YTHDF2: variants seen among roughly 807,000 people sequenced by gnomAD.
YTHDF2 encodes YTH N6-methyladenosine RNA binding protein F2, also known as YTH domain-containing family protein 2.
A neutral mutation model predicts 50.4 loss-of-function variants in YTHDF2; 2 were observed. The observed-to-expected ratio is 0.04, with a 90% CI of 0.02 to 0.12. The LOEUF (loss-of-function observed/expected upper bound fraction) is 0.12. Ranked by LOEUF, YTHDF2 falls within the 10% of genes least tolerant of loss-of-function variation. The pLI, the probability that YTHDF2 is intolerant of heterozygous loss-of-function variation, is 1.00. For synonymous variants in YTHDF2, 217 were observed against 255.6 expected (o/e 0.85, Z 1.44); for missense variants, 483 against 722.6 (o/e 0.67, Z 3.80).
chr1:28,761,466 G>A (rs1440934852), intron 4 of YTHDF2, among the ~76,000 whole-genome samples: 1 of 152,160 alleles, frequency 6.6e-6, no homozygotes, highest in Non-Finnish European at 1.5e-5. Flanking sequence ...GGCTGGTGCG[G>A]TGGCCCATGC....
intron 4 of YTHDF2, among the ~76,000 whole-genome samples, chr1:28,745,494 G>T (rs2087844095): frequency 6.6e-6 from 1 of 152,186 alleles, no homozygotes; most frequent in Admixed American, 6.6e-5. Context: ...AGCACTTTGG[G>T]AGGCTGAGGT....
Position 28,742,778 on chromosome 1 carries a change from G to C in YTHDF2, c.508G>C (p.Ala170Pro), listed in dbSNP as rs1241719084. Residue 170 changes from alanine (A) to proline (P), a missense_variant, in exon 4 of 5, where the codon GCT (alanine) becomes CCT (proline). Coordinates refer to ENST00000373812, the MANE Select transcript of YTHDF2 (RefSeq NM_016258.3). ...LGGAMIDGQS[A>P]FANETLNKAP... ...TGGAGCCATGATTGATGGACAGTCA[G>C]CTTTTGCCAATGAGACCCTCAATAA... The C allele has an allele frequency of 5.0e-6, 8 of 1,614,048 alleles. No individual in the cohort carries two copies. The highest frequency in any genetic ancestry group is 1.3e-5 in the African/African-American group (1 of 74,908).
Position 28,742,660 on chromosome 1 carries a change from C to G in YTHDF2, c.390C>G (p.Asp130Glu), listed in dbSNP as rs1323736256. The G allele has an allele frequency of 6.2e-7, 1 of 1,614,002 alleles. No individual in the cohort carries two copies. The highest frequency in any genetic ancestry group is 8.5e-7 in the Non-Finnish European group (1 of 1,180,020). ...TTAATTTCTTTCCCAGTGGGATTGA[C>G]TTCTCAGCATGGGGAAATAACAGTT... is the stretch of plus-strand genomic sequence containing the variant. ...HGFNFFPSGIDFSAWGNNSSQ... is the reference protein window; with the variant it reads ...HGFNFFPSGIEFSAWGNNSSQ... The change falls in exon 4 of 5, where the codon GAC becomes GAG. Residue 130 changes from aspartate to glutamate, a missense_variant. This residue lies in a region of YTHDF2 where 385 missense variants were observed against 475.8 expected (regional missense o/e 0.81). Coordinates refer to ENST00000373812, the MANE Select transcript of YTHDF2 (RefSeq NM_016258.3).
At chr1:28,766,834 C>T (rs2088226650) in intron 4 of YTHDF2, among the ~76,000 whole-genome samples, 1 of 150,294 alleles carries the variant, frequency 6.7e-6, no homozygotes, top group African/African-American at 2.5e-5. Context: ...ACTTTTCCTT[C>T]TCTTTTTTTT....
chr1:28,755,422 A>G lies in YTHDF2; in HGVS notation c.1716+11436A>G, dbSNP rs568008941. 2.6e-5 allele frequency among the ~76,000 whole-genome samples: 4 copies of G among 152,322 alleles called. No individual in the cohort carries two copies. The East Asian group carries it at 7.7e-4, about 29-fold the overall frequency. On this transcript the variant is annotated intron_variant, in intron 4 of 4. Coordinates refer to ENST00000373812, the MANE Select transcript of YTHDF2 (RefSeq NM_016258.3). ...TTGTCTTGAATATATATTTAAATGT[A>G]TGTTCATTTAATTCTTGTATCCTTG...
chr1:28,757,218 T>C (rs888410499), intron 4 of YTHDF2, among the ~76,000 whole-genome samples: 1 of 152,220 alleles, frequency 6.6e-6, no homozygotes, highest in Non-Finnish European at 1.5e-5. Context: ...TAGGGCAGCA[T>C]ATATTAAAGT....
chr1:28,759,306 C>T (rs376481005), intron 4 of YTHDF2, among the ~76,000 whole-genome samples: 7 of 152,174 alleles, frequency 4.6e-5, no homozygotes, highest in South Asian at 2.1e-4. Context: ...TCATATCTGC[C>T]GCTGTCACCA....
chr1:28,753,358 CAAAAAAAAA>C (rs34047138), intron 4 of YTHDF2, among the ~76,000 whole-genome samples: 1 of 16,908 alleles, frequency 5.9e-5, no homozygotes, highest in Non-Finnish European at 9.7e-5. Flanking sequence ...CCTGCCTCTC[CAAAAAAAAA>C]AAAAAAAAAA....
chr1:28,768,548 T>A (rs1339457427), intron 4 of YTHDF2, among the ~76,000 whole-genome samples: 1 of 152,172 alleles, frequency 6.6e-6, no homozygotes, highest in East Asian at 1.9e-4. Context: ...GGATTTGAAT[T>A]TAGGTCAGTC....
intron 3 of YTHDF2, among the ~76,000 whole-genome samples, chr1:28,740,731 TCTCA>T (rs2087762896): frequency 6.6e-6 from 1 of 152,116 alleles, no homozygotes; most frequent in Admixed American, 6.6e-5. Flanking sequence ...TGAGATAGAG[TCTCA>T]CTCTGTCACC....
At chr1:28,751,993 T>C (rs1368874778) in intron 4 of YTHDF2, among the ~76,000 whole-genome samples, 1 of 152,188 alleles carries the variant, frequency 6.6e-6, no homozygotes, top group Non-Finnish European at 1.5e-5. Flanking sequence ...AACACTGTAA[T>C]TCTCATATTT....
rs1423964589 is a variant in YTHDF2, at chr1:28,743,250, A to G, written c.980A>G (p.Gln327Arg). 1.9e-6 allele frequency: 3 copies of G among 1,614,024 alleles called. No individual in the cohort carries two copies. The highest frequency in any genetic ancestry group is 3.3e-5 in the Admixed American group (2 of 59,982). Residue 327 changes from glutamine to arginine, a missense_variant, in exon 4 of 5, where the codon CAG (glutamine) becomes CGG (arginine). By Grantham distance (43) the Gln-to-Arg change is conservative (BLOSUM62 1). This residue lies in a region of YTHDF2 where 385 missense variants were observed against 475.8 expected (regional missense o/e 0.81). Coordinates refer to ENST00000373812, the MANE Select transcript of YTHDF2 (RefSeq NM_016258.3). This position sits in a 1 kb window ranked among gnomAD's most constrained non-coding sequence, Gnocchi z 6.9. The part of the protein sequence containing the change: ...VAQASVGQQT[Q>R]PLPPPPPQPA... Reference sequence around the variant, plus strand: ...CAGGCATCAGTAGGGCAACAGACACAGCCATTGCCTCCACCTCCACCACAG... The same window carrying G: ...CAGGCATCAGTAGGGCAACAGACACGGCCATTGCCTCCACCTCCACCACAG...
chr1:28,768,342 A>G (rs1377322131), intron 4 of YTHDF2, among the ~76,000 whole-genome samples: 1 of 152,068 alleles, frequency 6.6e-6, no homozygotes, highest in African/African-American at 2.4e-5. Context: ...AAACATAAGT[A>G]TTGTAGTCAG....
intron 4 of YTHDF2, among the ~76,000 whole-genome samples, chr1:28,752,987 A>G (rs971108912): frequency 2.0e-5 from 3 of 151,048 alleles, no homozygotes; most frequent in East Asian, 2.0e-4. Flanking sequence ...GAAAGCTGCA[A>G]TGAGCTGTGA....
At chr1:28,752,921 CTAAAG>C (rs1439628713) in intron 4 of YTHDF2, among the ~76,000 whole-genome samples, 5 of 151,546 alleles carry the variant, frequency 3.3e-5, no homozygotes, top group Admixed American at 1.3e-4. Context: ...TGGCGCATAA[CTAAAG>C]TATAGCTACT....
intron 4 of YTHDF2, 74 bp downstream of exon 4, chr1:28,744,060 A>T: frequency 7.1e-7 from 1 of 1,410,054 alleles, no homozygotes; most frequent in Non-Finnish European, 9.4e-7. Context: ...TTATATAGTG[A>T]ACCGTTAATA....
intron 4 of YTHDF2, among the ~76,000 whole-genome samples, chr1:28,747,626 G>A (rs1268332232): frequency 1.4e-5 from 2 of 145,038 alleles, no homozygotes; most frequent in African/African-American, 5.1e-5. Flanking sequence ...CACTGTGTTA[G>A]CCAGGATGGT....
chr1:28,746,058 A>G (rs2087855843), intron 4 of YTHDF2, among the ~76,000 whole-genome samples: 2 of 152,106 alleles, frequency 1.3e-5, no homozygotes, highest in Admixed American at 1.3e-4. Flanking sequence ...TAAAATTTAC[A>G]GTATTTTGTA....
chr1:28,753,942 G>A (rs1364393515), intron 4 of YTHDF2, among the ~76,000 whole-genome samples: 1 of 152,018 alleles, frequency 6.6e-6, no homozygotes, highest in African/African-American at 2.4e-5. Context: ...CCTGACCTCA[G>A]GTGATCTGCC....
Sources: gnomAD v4.1 joint callset for allele counts (sites outside exome capture counted in the v4.1 genomes callset) on GRCh38, gnomAD v4.1.1 for gene constraint, gnomAD v4.1.1 regional missense constraint, Gnocchi (gnomAD v3.1) non-coding constraint, MANE v1.5 for transcripts, NCBI Gene and HGNC (gene_info 2026-07-23, HGNC 2026-07-21) for gene names.